The following GLRX2 variants were observed in gnomAD, a reference collection of about 807,000 sequenced individuals.
GLRX2 encodes glutaredoxin 2, also known as bA101E13.1 (GRX2 glutaredoxin (thioltransferase) 2).
A neutral mutation model predicts 16.4 loss-of-function variants in GLRX2; 12 were observed. The observed-to-expected ratio is 0.73, with a 90% CI of 0.47 to 1.19. The LOEUF (loss-of-function observed/expected upper bound fraction) is 1.19, where lower values mean the gene tolerates loss of function less well. GLRX2 is among the 50% of genes most tolerant of loss of function. The pLI, the probability that GLRX2 is intolerant of heterozygous loss-of-function variation, is 0.00. For missense variants in GLRX2, 201 were observed against 201.8 expected (o/e 1.00, Z 0.02); for synonymous variants, 95 against 76.2 (o/e 1.25, Z -1.28).
intron 1 of GLRX2, among the ~76,000 whole-genome samples, chr1:193,104,857 A>G (rs1021060864): frequency 6.6e-6 from 1 of 152,246 alleles, no homozygotes; most frequent in Non-Finnish European, 1.5e-5. Flanking sequence ...CGCCCGGTCA[A>G]ATTAGAATTG....
chr1:193,105,393 C>T lies in GLRX2; in HGVS notation c.-11G>A. On this transcript the variant is annotated 5_prime_UTR_variant, in exon 1 of 4. Transcript: ENST00000367439. ...GCGGCGCCAAATCATGGTCAGAGCC[C>T]GGATCTGCAGCGAGCTCTACTGCCG... The T allele has an allele frequency of 1.3e-6, 2 of 1,534,556 alleles. No homozygotes were observed. The highest frequency in any genetic ancestry group is 1.7e-6 in the Non-Finnish European group (2 of 1,151,032).
rs1675112747 is a variant in GLRX2 at position 193,103,147 on chromosome 1, T to C, written c.120-1943A>G. ...GAAGCCCTAAAGTGCTTCCTTTAAG[T>C]GAAACGGTGAAAGTTCTCCACCTAA... On this transcript the variant is annotated intron_variant, in intron 1 of 3. Coordinates refer to ENST00000367439, the MANE Select transcript of GLRX2 (RefSeq NM_197962.3). Among the ~76,000 whole-genome samples, 3 of 152,044 alleles carry C rather than the reference T, an allele frequency of 2.0e-5. No homozygotes were observed. In the South Asian group the frequency reaches 6.2e-4, roughly 32 times the overall value.
At position 193,101,166 on chromosome 1, in the gene GLRX2, G is replaced by T. The variant is rs764623308; in HGVS notation, c.158C>A (p.Ala53Glu). The T allele has an allele frequency of 3.1e-6, 5 of 1,610,998 alleles. No individual in the cohort carries two copies. The highest frequency in any genetic ancestry group is 4.2e-6 in the Non-Finnish European group (5 of 1,177,498). ...SNTSSSLENL[A>E]TAPVNQIQET... is the part of the protein sequence containing the mutation. Reference sequence around the variant, plus strand: ...TTGGATCTGGTTCACAGGCGCCGTCGCTAAATTCTCCAAAGATGATGATGT... The same window carrying T: ...TTGGATCTGGTTCACAGGCGCCGTCTCTAAATTCTCCAAAGATGATGATGT... Residue 53 changes from alanine to glutamate, a missense_variant, in exon 2 of 4, where the codon GCG (alanine) becomes GAG (glutamate). Coordinates refer to ENST00000367439, the MANE Select transcript of GLRX2 (RefSeq NM_197962.3).
At chr1:193,105,991 A>AAT, upstream of GLRX2, 1 of 994,930 alleles carries the variant, frequency 1.0e-6, no homozygotes, top group African/African-American at 1.7e-5. Flanking sequence ...CACCTGCCAA[A>AAT]AAAAAAAAAT....
chr1:193,105,208 G>T, intron 1 of GLRX2, 56 bp downstream of exon 1: 1 of 1,507,520 alleles, frequency 6.6e-7, no homozygotes, highest in South Asian at 1.3e-5. Flanking sequence ...GCTTTCTCCA[G>T]ACCCCCGCAA....
chr1:193,099,876 C>T (rs568525898), intron 2 of GLRX2, among the ~76,000 whole-genome samples: 2 of 152,246 alleles, frequency 1.3e-5, no homozygotes, highest in South Asian at 4.2e-4. Flanking sequence ...ATTAATGAAT[C>T]CATCTTACGG....
At chr1:193,098,714 G>A (rs1675009411) in intron 2 of GLRX2, among the ~76,000 whole-genome samples, 1 of 152,034 alleles carries the variant, frequency 6.6e-6, no homozygotes, top group South Asian at 2.1e-4. Context: ...ACCACGGCCA[G>A]TTAATTTTTG....
chr1:193,102,522 T>C (rs917649842), intron 1 of GLRX2, among the ~76,000 whole-genome samples: 1 of 152,110 alleles, frequency 6.6e-6, no homozygotes, highest in African/African-American at 2.4e-5. Context: ...TGGCTAATTT[T>C]TTGTATTTTT....
chr1:193,096,531 G>A lies in GLRX2; in HGVS notation c.*94C>T, dbSNP rs1674962196. The A allele has an allele frequency of 8.0e-6, 5 of 626,726 alleles. No homozygotes were observed. In the South Asian group the frequency reaches 1.5e-4, roughly 18 times the overall value. 38.8% of individuals were successfully genotyped at this position (626,726 alleles called of 1,614,324 possible). A position where few individuals can be genotyped will look rare whatever the true frequency, so the allele number is the denominator to read the frequency against. On this transcript the variant is annotated 3_prime_UTR_variant, in exon 4 of 4. Transcript: ENST00000367439. ...CATCTTCTTCGTGAAGACAATGCAT[G>A]TATTTAAAACATCCTCAAACATTTA...
At chr1:193,105,084 A>T in intron 1 of GLRX2, 180 bp downstream of exon 1, 1 of 558,674 alleles carries the variant, frequency 1.8e-6, no homozygotes, top group Non-Finnish European at 2.3e-6. Context: ...ACAGCCGCGG[A>T]GGGCACCCTT....
At chr1:193,105,499 C>G (rs753616661), upstream of GLRX2, 2 of 1,517,222 alleles carry the variant, frequency 1.3e-6, no homozygotes, top group Non-Finnish European at 1.8e-6. Flanking sequence ...CCGGACTGCC[C>G]GCGCCGCCGC....
intron 1 of GLRX2, among the ~76,000 whole-genome samples, chr1:193,103,005 C>T (rs1675109965): frequency 6.6e-6 from 1 of 152,046 alleles, no homozygotes; most frequent in Admixed American, 6.5e-5. Context: ...GTTCAAGTAA[C>T]CCTTATTTTA....
At chr1:193,098,811 A>G (rs1011779608) in intron 2 of GLRX2, among the ~76,000 whole-genome samples, 4 of 152,144 alleles carry the variant, frequency 2.6e-5, no homozygotes, top group African/African-American at 9.7e-5. Flanking sequence ...TCAGCCTCCC[A>G]AAGTGCTGGG....
intron 1 of GLRX2, among the ~76,000 whole-genome samples, chr1:193,102,715 T>C (rs933476076): frequency 3.9e-5 from 6 of 152,220 alleles, no homozygotes; most frequent in African/African-American, 1.2e-4. Flanking sequence ...CATCTTATCC[T>C]TGGATAATGA....
Position 193,096,570 on chromosome 1 carries a change from G to A in GLRX2, c.*55C>T. 1.1e-6 allele frequency: 1 copy of A among 945,086 alleles called. No individual in the cohort carries two copies. Among genetic ancestry groups the A allele is most frequent in the Non-Finnish European group, 1.6e-6 (1 of 617,296 alleles). 58.5% of individuals were successfully genotyped at this position (945,086 alleles called of 1,614,324 possible). ...CTCAAACATTTAAAAGACATTATCGGGCATTACCACTTTAAATAACTGACA... is the reference window on the plus strand; with the variant it reads ...CTCAAACATTTAAAAGACATTATCGAGCATTACCACTTTAAATAACTGACA... On this transcript the variant is annotated 3_prime_UTR_variant, in exon 4 of 4. Coordinates refer to ENST00000367439, the MANE Select transcript of GLRX2 (RefSeq NM_197962.3).
intron 2 of GLRX2, 115 bp from the exon 3 acceptor site, chr1:193,097,875 A>G: frequency 1.7e-6 from 1 of 574,084 alleles, no homozygotes; most frequent in South Asian, 3.2e-5. Flanking sequence ...GGCTCAAACT[A>G]AGCATCATCT....
chr1:193,101,317 T>C, intron 1 of GLRX2, 113 bp from the exon 2 acceptor site: 10 of 715,008 alleles, frequency 1.4e-5, no homozygotes, highest in South Asian at 1.4e-4. Context: ...ACTTACAAAA[T>C]AGAAAAAAAT....
intron 3 of GLRX2, 39 bp from the exon 4 acceptor site, chr1:193,096,798 G>C: frequency 6.6e-7 from 1 of 1,514,618 alleles, no homozygotes; most frequent in South Asian, 1.2e-5. Context: ...CTTTACTCTA[G>C]TATCAGAACT....
At chr1:193,098,313 G>A (rs1345332739) in intron 2 of GLRX2, among the ~76,000 whole-genome samples, 2 of 152,096 alleles carry the variant, frequency 1.3e-5, no homozygotes, top group African/African-American at 2.4e-5. Flanking sequence ...GGCTGAAGCA[G>A]GCAGATCACT....
Sources: allele counts gnomAD v4.1 joint callset (sites outside exome capture counted in the v4.1 genomes callset), GRCh38; gene constraint gnomAD v4.1.1; transcripts MANE v1.5; gene names NCBI Gene and HGNC (gene_info 2026-07-23, HGNC 2026-07-21).